TRABD2B: variants seen among roughly 807,000 people sequenced by gnomAD.
TRABD2B encodes metalloprotease TIKI2.
Under a neutral mutation model 40.1 loss-of-function variants are expected in TRABD2B, and 14 were observed. That is an observed-to-expected ratio of 0.35 (90% confidence interval 0.23 to 0.55). TRABD2B has a LOEUF of 0.55. TRABD2B is among the 20% of genes least tolerant of loss of function. The probability of loss-of-function intolerance (pLI) is 0.90; values close to 1 mark genes in which losing one functional copy is unlikely to be tolerated. For synonymous variants in TRABD2B, 263 were observed against 277.0 expected, an observed-to-expected ratio of 0.95 and a Z score of 0.50; for missense variants, 541 against 648.6, an observed-to-expected ratio of 0.83 and a Z score of 1.80.
At chr1:47,794,969 A>T (rs1644728864) in intron 3 of TRABD2B, among the ~76,000 whole-genome samples, 1 of 151,954 alleles carries the variant, frequency 6.6e-6, no homozygotes, top group Non-Finnish European at 1.5e-5. Context: ...GAATCCCACT[A>T]TGTTGCCCTG....
chr1:47,901,412 G>A (rs973608467), intron 2 of TRABD2B, among the ~76,000 whole-genome samples: 2 of 152,204 alleles, frequency 1.3e-5, no homozygotes, highest in African/African-American at 2.4e-5. Flanking sequence ...GGGACCACAG[G>A]GAAGCTCTTG....
intron 2 of TRABD2B, among the ~76,000 whole-genome samples, chr1:47,889,016 C>T (rs983191046): frequency 1.3e-5 from 2 of 152,220 alleles, no homozygotes; most frequent in African/African-American, 4.8e-5. Context: ...TTACACTGCA[C>T]TCTCTGGAGT....
intron 2 of TRABD2B, among the ~76,000 whole-genome samples, chr1:47,811,084 T>C (rs565649597): frequency 6.6e-6 from 1 of 152,150 alleles, no homozygotes; most frequent in Non-Finnish European, 1.5e-5. Flanking sequence ...GGGCAGGGCC[T>C]GTAGAGCCCT....
intron 2 of TRABD2B, among the ~76,000 whole-genome samples, chr1:47,943,205 C>T (rs1289807938): frequency 6.6e-6 from 1 of 152,228 alleles, no homozygotes; most frequent in Non-Finnish European, 1.5e-5. Context: ...AAGGACATGG[C>T]ACATGACTAG....
intron 2 of TRABD2B, among the ~76,000 whole-genome samples, chr1:47,897,573 C>T (rs1644540982): frequency 6.6e-6 from 1 of 152,168 alleles, no homozygotes; most frequent in South Asian, 2.1e-4. Flanking sequence ...GAAGAAATAG[C>T]TCTTCTTTTA....
chr1:47,911,390 C>A (rs1053183885), intron 2 of TRABD2B, among the ~76,000 whole-genome samples: 1 of 152,154 alleles, frequency 6.6e-6, no homozygotes, highest in Non-Finnish European at 1.5e-5. Flanking sequence ...TTTCCCCAGG[C>A]CTTTCCTATG....
rs569195468 is a variant in TRABD2B at position 47,936,423 on chromosome 1, G to A, written c.666+57611C>T. On this transcript the variant is annotated intron_variant, in intron 2 of 6. Transcript: ENST00000606738. ...GAAAGGTGAACAGAGAACCCAGCAGGTATGAGGGCAAAGGGCAGACAGACC... is the reference window on the plus strand; with the variant it reads ...GAAAGGTGAACAGAGAACCCAGCAGATATGAGGGCAAAGGGCAGACAGACC... Among the ~76,000 whole-genome samples, 6 of 152,266 alleles carry A rather than the reference G, an allele frequency of 3.9e-5. 1 individual carries two copies. The South Asian group carries it at 1.2e-3, about 32-fold the overall frequency.
intron 2 of TRABD2B, chr1:47,818,182 G>A (rs1645060688): frequency 6.6e-6 from 1 of 152,360 alleles, no homozygotes; most frequent in Admixed American, 6.5e-5. Flanking sequence ...TGGAGGGCTG[G>A]GAGGCCCTGG....
chr1:47,872,669 T>C (rs1644161997), intron 2 of TRABD2B, among the ~76,000 whole-genome samples: 1 of 152,194 alleles, frequency 6.6e-6, no homozygotes, highest in South Asian at 2.1e-4. Context: ...AGATGTCTAC[T>C]AAGAAGCTGT....
chr1:47,877,049 T>C (rs767459760), intron 2 of TRABD2B, among the ~76,000 whole-genome samples: 14 of 152,068 alleles, frequency 9.2e-5, no homozygotes, highest in Non-Finnish European at 1.5e-4. Context: ...TTGTGATAAG[T>C]ATCATGAAGG....
intron 2 of TRABD2B, among the ~76,000 whole-genome samples, chr1:47,883,446 AT>A: frequency 6.6e-6 from 1 of 152,328 alleles, no homozygotes; most frequent in Non-Finnish European, 1.5e-5. Context: ...AGACAGAGAC[AT>A]AACTAGGGGG....
intron 2 of TRABD2B, among the ~76,000 whole-genome samples, chr1:47,840,128 G>A (rs1355055788): frequency 6.6e-6 from 1 of 152,128 alleles, no homozygotes; most frequent in Non-Finnish European, 1.5e-5. Flanking sequence ...CTCTGGACCA[G>A]GACCATGAGT....
chr1:47,804,707 CT>C (rs1325522514), intron 2 of TRABD2B, among the ~76,000 whole-genome samples: 1 of 152,160 alleles, frequency 6.6e-6, no homozygotes, highest in African/African-American at 2.4e-5. Context: ...GTAGTAAGTG[CT>C]GGATAAGTGT....
At chr1:47,866,978 C>A (rs144630988) in intron 2 of TRABD2B, among the ~76,000 whole-genome samples, 3 of 152,136 alleles carry the variant, frequency 2.0e-5, no homozygotes, top group African/African-American at 7.2e-5. Flanking sequence ...CCCTTACCTG[C>A]TGGTAGGAGG....
Position 47,860,849 on chromosome 1 carries a change from T to C in TRABD2B, c.667-59230A>G, listed in dbSNP as rs547137466. ...ATGCCTGCTCCTGTTCTGTCTGCCATATTATGATGTAGTATGAAAGCCCTT... is the reference window on the plus strand; with the variant it reads ...ATGCCTGCTCCTGTTCTGTCTGCCACATTATGATGTAGTATGAAAGCCCTT... On this transcript the variant is annotated intron_variant, in intron 2 of 6. Coordinates refer to ENST00000606738, the MANE Select transcript of TRABD2B (RefSeq NM_001194986.2). Among the ~76,000 whole-genome samples the C allele has an allele frequency of 1.8e-4, 27 of 152,290 alleles. No individual in the cohort carries two copies. The East Asian group carries it at 3.3e-3, about 18-fold the overall frequency.
intron 2 of TRABD2B, among the ~76,000 whole-genome samples, chr1:47,886,592 C>T (rs937241428): frequency 1.3e-5 from 2 of 152,186 alleles, no homozygotes; most frequent in Admixed American, 6.5e-5. Flanking sequence ...ACATGCCAAG[C>T]CAGACACCTG....
At chr1:47,872,187 C>G (rs1205435172) in intron 2 of TRABD2B, among the ~76,000 whole-genome samples, 1 of 152,128 alleles carries the variant, frequency 6.6e-6, no homozygotes, top group African/African-American at 2.4e-5. Flanking sequence ...TGGGCTCAGG[C>G]CTGTTTTGCA....
At chr1:47,767,914 C>T (rs1644326918) in intron 6 of TRABD2B, among the ~76,000 whole-genome samples, 1 of 152,220 alleles carries the variant, frequency 6.6e-6, no homozygotes, top group Non-Finnish European at 1.5e-5. Flanking sequence ...TAAGTCCAGG[C>T]CACCGTCCTG....
chr1:47,910,782 TC>T (rs1243645270), intron 2 of TRABD2B, among the ~76,000 whole-genome samples: 1 of 152,202 alleles, frequency 6.6e-6, no homozygotes, highest in Admixed American at 6.5e-5. Context: ...TACCTGCATG[TC>T]GATTCTCTCC....
Sources: allele counts gnomAD v4.1 joint callset (sites outside exome capture counted in the v4.1 genomes callset), GRCh38; gene constraint gnomAD v4.1.1; transcripts MANE v1.5; gene names NCBI Gene and HGNC (gene_info 2026-07-23, HGNC 2026-07-21).